GRM5: variants seen among roughly 807,000 people sequenced by gnomAD.
GRM5 encodes the protein glutamate metabotropic receptor 5, also known as metabotropic glutamate receptor 5.
A neutral mutation model predicts 83.1 loss-of-function variants in GRM5; 19 were observed. That is an observed-to-expected ratio of 0.23 (90% CI 0.16 to 0.34). The LOEUF is 0.34. GRM5 is among the 10% of genes least tolerant of loss of function. The pLI is 1.00. For missense variants in GRM5, 1,160 were observed against 1,588.3 expected, an observed-to-expected ratio of 0.73 and a Z score of 4.58; for synonymous variants, 675 against 633.6, an observed-to-expected ratio of 1.07 and a Z score of -0.98.
intron 3 of GRM5, among the ~76,000 whole-genome samples, chr11:88,694,792 G>A (rs997545574): frequency 3.9e-5 from 6 of 152,092 alleles, no homozygotes; most frequent in Non-Finnish European, 8.8e-5. Context: ...TATGATTGCA[G>A]TATCACATTA....
chr11:88,868,128 T>C (rs193001594), intron 2 of GRM5, among the ~76,000 whole-genome samples: 177 of 151,994 alleles, frequency 1.2e-3, no homozygotes, highest in Middle Eastern at 3.4e-3. Context: ...TCATATCAGA[T>C]ATAGTAGGCC....
chr11:88,852,353 A>G (rs1944402533), intron 2 of GRM5, among the ~76,000 whole-genome samples: 2 of 152,110 alleles, frequency 1.3e-5, no homozygotes, highest in Non-Finnish European at 2.9e-5. Context: ...AACACTGCTT[A>G]ATATCCAGAT....
chr11:88,710,665 C>T (rs1433569894), intron 3 of GRM5, among the ~76,000 whole-genome samples: 1 of 151,916 alleles, frequency 6.6e-6, no homozygotes, highest in Non-Finnish European at 1.5e-5. Context: ...TGCGAATTAA[C>T]TTGAAAAATA....
intron 2 of GRM5, among the ~76,000 whole-genome samples, chr11:89,004,622 C>T (rs1940474967): frequency 6.6e-6 from 1 of 152,088 alleles, no homozygotes. Context: ...TGGGCATGCA[C>T]AAGGTAAGAT....
At chr11:88,704,111 GTCTCTT>G (rs1218586605) in intron 3 of GRM5, among the ~76,000 whole-genome samples, 2 of 151,936 alleles carry the variant, frequency 1.3e-5, no homozygotes, top group African/African-American at 4.8e-5. Context: ...GAGATGTCTT[GTCTCTT>G]TCTCTTTCTA....
At chr11:88,766,968 T>A (rs1474625211) in intron 3 of GRM5, among the ~76,000 whole-genome samples, 1 of 151,918 alleles carries the variant, frequency 6.6e-6, no homozygotes, top group African/African-American at 2.4e-5. Context: ...TCACTAATCG[T>A]TAGAAAAATG....
At chr11:88,949,039 T>C (rs141748455) in intron 2 of GRM5, among the ~76,000 whole-genome samples, 13 of 152,312 alleles carry the variant, frequency 8.5e-5, no homozygotes, top group South Asian at 4.1e-4. Context: ...TTGTTTCCTC[T>C]TTACTGTCTA....
At chr11:88,853,737 T>C (rs998217692) in intron 2 of GRM5, among the ~76,000 whole-genome samples, 1 of 151,832 alleles carries the variant, frequency 6.6e-6, no homozygotes, top group African/African-American at 2.4e-5. Context: ...TTAAAAGTCA[T>C]TGAAAGGAGA....
chr11:88,889,478 G>A (rs531548711), intron 2 of GRM5, among the ~76,000 whole-genome samples: 12 of 152,166 alleles, frequency 7.9e-5, no homozygotes, highest in East Asian at 7.7e-4. Context: ...CTGTTACATC[G>A]TAACATAATT....
intron 3 of GRM5, among the ~76,000 whole-genome samples, chr11:88,821,422 C>G (rs1490632199): frequency 1.3e-5 from 2 of 150,254 alleles, no homozygotes; most frequent in East Asian, 3.9e-4. Context: ...GTCATAGTTC[C>G]AAAATATTTC....
intron 8 of GRM5, among the ~76,000 whole-genome samples, chr11:88,531,009 G>C (rs1941995550): frequency 6.6e-6 from 1 of 152,098 alleles, no homozygotes; most frequent in Non-Finnish European, 1.5e-5. Flanking sequence ...GGGATAGACA[G>C]AAGTTCTTTA....
At chr11:88,654,364 C>T (rs1393600588) in intron 3 of GRM5, among the ~76,000 whole-genome samples, 1 of 152,030 alleles carries the variant, frequency 6.6e-6, no homozygotes, top group Non-Finnish European at 1.5e-5. Flanking sequence ...CCTAGGGCAT[C>T]TAAGGAAGAA....
intron 3 of GRM5, among the ~76,000 whole-genome samples, chr11:88,848,870 A>G (rs1944342207): frequency 6.6e-6 from 1 of 152,214 alleles, no homozygotes; most frequent in Admixed American, 6.5e-5. Flanking sequence ...GATGGACTTC[A>G]AACAATCAAC....
In GRM5 at chr11:88,962,809, A is replaced by G. The variant is rs183582594; in HGVS notation, c.661+84403T>C. Among the ~76,000 whole-genome samples, 36 of 152,282 alleles carry G rather than the reference A, an allele frequency of 2.4e-4. No individual in the cohort carries two copies. In the East Asian group the frequency reaches 6.8e-3, roughly 29 times the overall value. ...AGAAGCAGTTCAATAAAAACTTACC[A>G]TCCCAGCACGGTAGTTCACGCCTGA... is the stretch of plus-strand genomic sequence containing the variant. On this transcript the variant is annotated intron_variant, in intron 2 of 9. Coordinates refer to ENST00000305447, the MANE Select transcript of GRM5 (RefSeq NM_001143831.3).
intron 6 of GRM5, 39 bp from the exon 7 acceptor site, chr11:88,590,766 A>G (rs1362469525): frequency 1.3e-6 from 2 of 1,571,112 alleles, no homozygotes; most frequent in East Asian, 2.2e-5. Context: ...TTTTTTGCAT[A>G]GATAAAAATC....
chr11:88,556,190 G>C (rs1265305998), intron 8 of GRM5, among the ~76,000 whole-genome samples: 1 of 152,070 alleles, frequency 6.6e-6, no homozygotes, highest in Admixed American at 6.6e-5. Flanking sequence ...GCATTCTAAA[G>C]AGTAAAGTCA....
chr11:88,823,505 A>G (rs534463357), intron 3 of GRM5, among the ~76,000 whole-genome samples: 16 of 148,012 alleles, frequency 1.1e-4, no homozygotes, highest in African/African-American at 3.9e-4. Context: ...TGGTCTCTTC[A>G]TAATTAATGT....
intron 3 of GRM5, among the ~76,000 whole-genome samples, chr11:88,679,551 TATCA>T (rs1220323758): frequency 3.3e-5 from 5 of 152,178 alleles, no homozygotes; most frequent in Non-Finnish European, 7.3e-5. Context: ...ATTATCTATC[TATCA>T]GTCTATTTGG....
At chr11:88,936,924 A>T (rs1937919791) in intron 2 of GRM5, among the ~76,000 whole-genome samples, 1 of 151,804 alleles carries the variant, frequency 6.6e-6, no homozygotes, top group Admixed American at 6.6e-5. Context: ...ATGGTATTTT[A>T]GGCTTAGCTG....
Sources: gnomAD v4.1 joint callset for allele counts (sites outside exome capture counted in the v4.1 genomes callset) on GRCh38, gnomAD v4.1.1 for gene constraint, MANE v1.5 for transcripts, NCBI Gene and HGNC (gene_info 2026-07-23, HGNC 2026-07-21) for gene names.